The following NFATC1 variants were observed in gnomAD, a reference collection of about 807,000 sequenced individuals.
NFATC1 encodes the protein nuclear factor of activated T-cells, cytoplasmic 1.
A neutral mutation model predicts 76.0 loss-of-function variants in NFATC1; 22 were observed. The ratio of observed to expected loss-of-function variants is 0.29; its 90% CI spans 0.21 to 0.41. The LOEUF (loss-of-function observed/expected upper bound fraction) is 0.41, where lower values mean the gene tolerates loss of function less well. Among genes scored for constraint, NFATC1 ranks in the 10% least tolerant of loss-of-function variants. The pLI is 1.00. For synonymous variants in NFATC1, 704 were observed against 613.1 expected (o/e 1.15, Z -2.19); for missense variants, 1,357 against 1,337.7 (o/e 1.01, Z -0.23).
At position 79,410,588 on chromosome 18, in the gene NFATC1, G is replaced by A. The variant is rs763559651; in HGVS notation, c.313G>A (p.Gly105Ser). Residue 105 changes from glycine to serine, a missense_variant, in exon 2 of 10, where the codon GGC becomes AGC. This residue lies in a region of NFATC1 where 691 missense variants were observed against 613.1 expected (regional missense o/e 1.13). Transcript: ENST00000427363. This position sits in a 1 kb window ranked among gnomAD's most constrained non-coding sequence, Gnocchi z 6.7. ...GGPAGYFLSSGHTRPDGAPAL... is the reference protein window; with the variant it reads ...GGPAGYFLSSSHTRPDGAPAL... ...GCCCGCGGGCTACTTCCTCTCCTCC[G>A]GCCACACCAGGCCTGATGGGGCCCC... The A allele has an allele frequency of 1.7e-5, 28 of 1,612,068 alleles. No homozygotes were observed. The highest frequency in any genetic ancestry group is 1.6e-4 in the Middle Eastern group (1 of 6,082).
intron 1 of NFATC1, among the ~76,000 whole-genome samples, chr18:79,402,785 A>G (rs1329712461): frequency 2.6e-5 from 4 of 152,172 alleles, no homozygotes; most frequent in African/African-American, 9.7e-5. Context: ...TACCATTATT[A>G]CTGCATTTTG....
intron 8 of NFATC1, chr18:79,467,841 C>G (rs558454952): frequency 2.6e-6 from 3 of 1,166,704 alleles, no homozygotes; most frequent in African/African-American, 1.6e-5. Context: ...TTGCTTCTTG[C>G]GAATGTATAA....
chr18:79,515,338 CAAAA>C (rs75194540), intron 9 of NFATC1, among the ~76,000 whole-genome samples: 8 of 63,480 alleles, frequency 1.3e-4, no homozygotes, highest in Non-Finnish European at 2.1e-4. Flanking sequence ...GACTCCATCT[CAAAA>C]AAAAAAAAAA....
In NFATC1 at chr18:79,483,437, G is replaced by GT. The variant is rs1449116894; in HGVS notation, c.2093-2810dup. 1.6e-4 allele frequency among the ~76,000 whole-genome samples: 19 copies of GT among 119,186 alleles called. 2 individuals carry two copies. The highest frequency in any genetic ancestry group is 6.8e-4 in the East Asian group (3 of 4,380). 78.2% of individuals were successfully genotyped at this position (119,186 alleles called of 152,430 possible). On this transcript the variant is annotated intron_variant, in intron 8 of 9. Coordinates refer to ENST00000427363, the MANE Select transcript of NFATC1 (RefSeq NM_001278669.2). ...TGGGGTGTCATTCCGGCGTGACCTG[G>GT]TCCTGGGGTGTAAGTCCAGCGTGAC...
Position 79,461,373 on chromosome 18 carries a change from G to A in NFATC1, c.1959+7G>A. 2.7e-6 allele frequency: 4 copies of A among 1,457,030 alleles called. No homozygotes were observed. The highest frequency in any genetic ancestry group is 2.4e-5 in the South Asian group (2 of 84,228). 90.3% of individuals were successfully genotyped at this position (1,457,030 alleles called of 1,614,324 possible). On this transcript the variant is annotated splice_region_variant and intron_variant, in intron 7 of 9. Coordinates refer to ENST00000427363, the MANE Select transcript of NFATC1 (RefSeq NM_001278669.2). The stretch of plus-strand genomic sequence containing the variant: ...CCGGGACCTGTGCAAGCCGGTGAGT[G>A]CCTTTGGCGCAGCTGGAGCTACTGT...
At position 79,482,027 on chromosome 18, in the gene NFATC1, G is replaced by A. The variant is rs796246629; in HGVS notation, c.2093-4221G>A. Reference sequence around the variant, plus strand: ...TCATTCCAGTGTGACCTGGTTCCTGGGGTGTCATTCCAGCGTGAGCTGTTT... The same window carrying A: ...TCATTCCAGTGTGACCTGGTTCCTGAGGTGTCATTCCAGCGTGAGCTGTTT... On this transcript the variant is annotated intron_variant, in intron 8 of 9. Transcript: ENST00000427363. Among the ~76,000 whole-genome samples the A allele has an allele frequency of 3.0e-4, 44 of 146,588 alleles. 1 individual carries two copies. Among genetic ancestry groups the A allele is most frequent in the African/African-American group, 1.1e-3 (43 of 39,302 alleles).
chr18:79,435,211 G>C (rs1032856446), intron 3 of NFATC1, among the ~76,000 whole-genome samples: 1 of 152,208 alleles, frequency 6.6e-6, no homozygotes. Flanking sequence ...ATGTCGGTGA[G>C]GGGCACTGAC....
rs528285298 is a variant in NFATC1 at position 79,411,334 on chromosome 18, C to G, written c.1059C>G (p.Val353=). ...CAGTGGCGCTCAAGGTGGAGCCCGT[C>G]GGGGAGGACCTGGGCAGCCCCCCGC... ...PPSVALKVEP[V]GEDLGSPPPP... is the part of the protein sequence containing the mutation. Residue 353 remains valine (V), a synonymous_variant, in exon 2 of 10, where the codon GTC becomes GTG. Coordinates refer to ENST00000427363, the MANE Select transcript of NFATC1 (RefSeq NM_001278669.2). The G allele has an allele frequency of 6.3e-7, 1 of 1,598,586 alleles. No individual in the cohort carries two copies. Among genetic ancestry groups the G allele is most frequent in the East Asian group, 2.2e-5 (1 of 44,706 alleles).
At chr18:79,492,738 G>T (rs1313409208) in intron 9 of NFATC1, among the ~76,000 whole-genome samples, 2 of 146,378 alleles carry the variant, frequency 1.4e-5, no homozygotes, top group East Asian at 4.0e-4. Context: ...GCTGGGCGTG[G>T]TGGTGCATGC....
Position 79,486,251 on chromosome 18 carries a change from C to T in NFATC1, c.2096C>T (p.Pro699Leu). The change falls in exon 9 of 10, where the codon CCA (proline) becomes CTA (leucine). Residue 699 changes from proline to leucine, a missense_variant. This residue lies in a region of NFATC1 where 424 missense variants were observed against 395.4 expected (regional missense o/e 1.07). Transcript: ENST00000427363. The stretch of plus-strand genomic sequence containing the variant: ...ATTTTTTTTTTCCTTCTCACAGTTC[C>T]AATTATAAAAACAGAACCCACTGAT... ...QRFTYLPANV[P>L]IIKTEPTDDY... 1 of 1,595,466 alleles carries T rather than the reference C, an allele frequency of 6.3e-7. No individual in the cohort carries two copies. Among genetic ancestry groups the T allele is most frequent in the South Asian group, 1.1e-5 (1 of 89,528 alleles).
intron 9 of NFATC1, among the ~76,000 whole-genome samples, chr18:79,491,261 G>A (rs539696318): frequency 1.3e-4 from 20 of 152,228 alleles, no homozygotes; most frequent in African/African-American, 3.9e-4. Flanking sequence ...GTTCGGGGGC[G>A]GAGAAGAATA....
At chr18:79,449,766 A>T (rs2087380877) in intron 4 of NFATC1, among the ~76,000 whole-genome samples, 1 of 152,022 alleles carries the variant, frequency 6.6e-6, no homozygotes, top group African/African-American at 2.4e-5. Flanking sequence ...ATCCAGGTGG[A>T]GCCCCGGGGG....
intron 9 of NFATC1, among the ~76,000 whole-genome samples, chr18:79,513,680 C>G (rs549659681): frequency 2.9e-4 from 44 of 152,214 alleles, no homozygotes; most frequent in African/African-American, 8.9e-4. Context: ...AGCTAGCTCC[C>G]GGTCTCCTCC....
chr18:79,453,578 C>T lies in NFATC1; in HGVS notation c.1903+1762C>T, dbSNP rs539168911. Among the ~76,000 whole-genome samples the T allele has an allele frequency of 3.3e-4, 51 of 152,318 alleles. No individual in the cohort carries two copies. In the South Asian group the frequency reaches 0.01, roughly 31 times the overall value. On this transcript the variant is annotated intron_variant, in intron 6 of 9. Transcript: ENST00000427363. ...GTTCTGCCCTTAAGCTCGGCTGCCA[C>T]AGCCACACTTCTGGGCAATGCCAGT...
chr18:79,417,930 G>A (rs924598732), intron 2 of NFATC1, among the ~76,000 whole-genome samples: 21 of 150,816 alleles, frequency 1.4e-4, no homozygotes, highest in African/African-American at 5.1e-4. Context: ...GGTGGGAGAT[G>A]GGAGATGGGC....
In NFATC1 at chr18:79,467,447, T is replaced by C; in HGVS notation, c.1960-3T>C. 1 of 1,593,790 alleles carries C rather than the reference T, an allele frequency of 6.3e-7. No individual in the cohort carries two copies. The highest frequency in any genetic ancestry group is 8.6e-7 in the Non-Finnish European group (1 of 1,166,576). Reference sequence around the variant, plus strand: ...GTGCCTCCTGTGTGCCCTTCTCCTGTAGAATTCTCTGGTGGTTGAGATCCC... The same window carrying C: ...GTGCCTCCTGTGTGCCCTTCTCCTGCAGAATTCTCTGGTGGTTGAGATCCC... On this transcript the variant is annotated splice_region_variant and splice_polypyrimidine_tract_variant and intron_variant, in intron 7 of 9. Coordinates refer to ENST00000427363, the MANE Select transcript of NFATC1 (RefSeq NM_001278669.2).
chr18:79,506,965 C>T (rs2090132126), intron 9 of NFATC1, among the ~76,000 whole-genome samples: 1 of 152,210 alleles, frequency 6.6e-6, no homozygotes, highest in Admixed American at 6.5e-5. Context: ...AAGATCCGCC[C>T]ACCAGGCCCC....
chr18:79,494,235 G>C (rs553986711), intron 9 of NFATC1, among the ~76,000 whole-genome samples: 10 of 148,746 alleles, frequency 6.7e-5, no homozygotes, highest in African/African-American at 2.5e-4. Flanking sequence ...TGGTGTGGCC[G>C]GGGGAAGGCG....
intron 8 of NFATC1, among the ~76,000 whole-genome samples, chr18:79,479,135 A>G (rs1476871570): frequency 1.3e-5 from 2 of 152,204 alleles, no homozygotes. Context: ...CTTTGTAACG[A>G]GTTTCATAAA....
Sources: allele counts gnomAD v4.1 joint callset (sites outside exome capture counted in the v4.1 genomes callset), GRCh38; gene constraint gnomAD v4.1.1; regional missense constraint gnomAD v4.1.1; non-coding constraint Gnocchi (gnomAD v3.1); transcripts MANE v1.5; gene names NCBI Gene and HGNC (gene_info 2026-07-23, HGNC 2026-07-21).